Variants in PCDHGA10 observed in about 807,000 individuals in gnomAD.
The protein encoded by PCDHGA10 is protocadherin gamma subfamily A, 10, also known as protocadherin gamma-A10.
Under a neutral mutation model 59.5 loss-of-function variants are expected in PCDHGA10, and 42 were observed. The observed-to-expected ratio is 0.71, with a 90% CI of 0.55 to 0.91. PCDHGA10 has a LOEUF of 0.91. PCDHGA10 is among the 40% of genes least tolerant of loss of function. PCDHGA10 has a pLI of 0.00. For missense variants in PCDHGA10, 1,111 were observed against 1,198.2 expected (o/e 0.93, Z 1.07); for synonymous variants, 511 against 517.2 (o/e 0.99, Z 0.16).
intron 1 of PCDHGA10, among the ~76,000 whole-genome samples, chr5:141,481,700 T>C (rs1283509788): frequency 2.0e-5 from 3 of 152,034 alleles, no homozygotes; most frequent in Non-Finnish European, 4.4e-5. Context: ...ACGCCTGTAA[T>C]CCCAGCACTT....
At chr5:141,505,666 G>T (rs904221281) in intron 3 of PCDHGA10, among the ~76,000 whole-genome samples, 185 bp downstream of exon 3, 3 of 152,180 alleles carry the variant, frequency 2.0e-5, no homozygotes, top group Non-Finnish European at 4.4e-5. Context: ...ACAGCAGAGG[G>T]GTTGGGGGTC....
Position 141,413,755 on chromosome 5 carries a change from A to T in PCDHGA10, c.580A>T (p.Lys194Ter), listed in dbSNP as rs199577406. Residue 194 changes from lysine (K) to a stop codon, truncating the protein, a stop_gained, in exon 1 of 4, where the codon AAG becomes TAG. Transcript: ENST00000398610. LOFTEE classifies it high-confidence loss of function. ...LRVQSRANGV[K>*]YPELVLEHSL... ...AGTTCAGAGCCGTGCCAATGGCGTC[A>T]AGTACCCGGAGCTGGTACTGGAGCA... 1.6e-4 allele frequency: 266 copies of T among 1,612,936 alleles called. 3 individuals carry two copies. In the South Asian group the frequency reaches 2.3e-3, roughly 14 times the overall value.
chr5:141,450,006 C>CT lies in PCDHGA10; in HGVS notation c.2436+34413dup, dbSNP rs1554136305. ...CACATTGCATTTAGTTGCCATGTCT[C>CT]TTTTTTTTTTTTTTTTTTGAGACAG... On this transcript the variant is annotated intron_variant, in intron 1 of 3. Coordinates refer to ENST00000398610, the MANE Select transcript of PCDHGA10 (RefSeq NM_018913.3). Among the ~76,000 whole-genome samples the CT allele has an allele frequency of 9.8e-3, 1,304 of 132,922 alleles. 21 individuals are homozygous for CT. Among genetic ancestry groups the CT allele is most frequent in the Non-Finnish European group, 0.015 (957 of 62,878 alleles). 87.2% of individuals were successfully genotyped at this position (132,922 alleles called of 152,430 possible).
At position 141,432,297 on chromosome 5, in the gene PCDHGA10, T is replaced by C. The variant is rs1339659774; in HGVS notation, c.2436+16686T>C. 3.1e-6 allele frequency: 5 copies of C among 1,614,040 alleles called. No individual in the cohort carries two copies. The highest frequency in any genetic ancestry group is 1.7e-5 in the Admixed American group (1 of 60,006). ...GTGTCCATCAACTCCGACACTGGGG[T>C]ACTGTATGCGCTGAGCTCCTTCGAC... On this transcript the variant is annotated intron_variant, in intron 1 of 3. Transcript: ENST00000398610. This position sits in a 1 kb window ranked among gnomAD's most constrained non-coding sequence, Gnocchi z 6.0.
In PCDHGA10 at chr5:141,490,770, C is replaced by T. The variant is rs774014462; in HGVS notation, c.2437-4037C>T. 1.2e-6 allele frequency: 2 copies of T among 1,614,120 alleles called. No individual in the cohort carries two copies. Among genetic ancestry groups the T allele is most frequent in the Non-Finnish European group, 8.5e-7 (1 of 1,179,968 alleles). ...CAGCCTCCTCCTTTGTGTATGTCAA[C>T]CCAGAGGATGGACGGATCTTTGCCC... On this transcript the variant is annotated intron_variant, in intron 1 of 3. Transcript: ENST00000398610. The surrounding 1 kb of genome is among the most constrained non-coding windows in gnomAD (Gnocchi z 5.4).
chr5:141,422,940 C>G, intron 1 of PCDHGA10: 3 of 1,614,242 alleles, frequency 1.9e-6, no homozygotes, highest in Non-Finnish European at 1.7e-6. Context: ...TCCCCACAGA[C>G]GGCTCCACTG....
rs780383828 is a variant in PCDHGA10, at chr5:141,422,708, A to G, written c.2436+7097A>G. ...GCCCTGGTCACTTACTCTCTGACGGATGACACTGTCCAGGGGGTGCCTCTG... is the reference window on the plus strand; with the variant it reads ...GCCCTGGTCACTTACTCTCTGACGGGTGACACTGTCCAGGGGGTGCCTCTG... On this transcript the variant is annotated intron_variant, in intron 1 of 3. Transcript: ENST00000398610. 28 of 1,603,464 alleles carry G rather than the reference A, an allele frequency of 1.7e-5. No individual in the cohort carries two copies. The East Asian group carries it at 3.8e-4, about 22-fold the overall frequency.
intron 1 of PCDHGA10, 199 bp downstream of exon 1, chr5:141,415,810 T>C: frequency 7.4e-7 from 1 of 1,360,418 alleles, no homozygotes; most frequent in Non-Finnish European, 9.5e-7. Context: ...AATCAAGGCC[T>C]ATATATCATA....
At position 141,431,566 on chromosome 5, in the gene PCDHGA10, T is replaced by G; in HGVS notation, c.2436+15955T>G. ...TGCTTGTAGTCAACGCTACCGACCCTGACGAAGGAGTCAATGCGGAAGTGA... is the reference window on the plus strand; with the variant it reads ...TGCTTGTAGTCAACGCTACCGACCCGGACGAAGGAGTCAATGCGGAAGTGA... On this transcript the variant is annotated intron_variant, in intron 1 of 3. Transcript: ENST00000398610. This position sits in a 1 kb window ranked among gnomAD's most constrained non-coding sequence, Gnocchi z 4.8. 6.2e-7 allele frequency: 1 copy of G among 1,614,128 alleles called. No homozygotes were observed. The highest frequency in any genetic ancestry group is 1.1e-5 in the South Asian group (1 of 91,088).
chr5:141,477,229 C>T lies in PCDHGA10; in HGVS notation c.2437-17578C>T. ...AGGATGCCCCTCTGGGGACTGTCAT[C>T]GCTTTGCTCAGTGTGACTGACCTGG... On this transcript the variant is annotated intron_variant, in intron 1 of 3. Transcript: ENST00000398610. The surrounding 1 kb of genome is among the most constrained non-coding windows in gnomAD (Gnocchi z 4.9). 6.2e-7 allele frequency: 1 copy of T among 1,614,222 alleles called. No homozygotes were observed. Among genetic ancestry groups the T allele is most frequent in the Non-Finnish European group, 8.5e-7 (1 of 1,180,052 alleles).
rs1007318194 is a variant in PCDHGA10, at chr5:141,512,035, T to G, written c.*862T>G. On this transcript the variant is annotated 3_prime_UTR_variant, in exon 4 of 4. Coordinates refer to ENST00000398610, the MANE Select transcript of PCDHGA10 (RefSeq NM_018913.3). ...AAGTTATCAAGGCCTTGGAGGAGGC[T>G]CTGTATGTCCTCAGGGGACTGACAA... 1.3e-5 allele frequency: 2 copies of G among 152,870 alleles called. No individual in the cohort carries two copies. Among genetic ancestry groups the G allele is most frequent in the African/African-American group, 4.8e-5 (2 of 41,464 alleles). The allele number at this position is 152,870 out of a possible 1,614,324, so 9.5% of individuals were successfully genotyped here.
chr5:141,423,101 G>A (rs757127033), intron 1 of PCDHGA10: 3 of 1,613,966 alleles, frequency 1.9e-6, no homozygotes, highest in South Asian at 1.1e-5. Context: ...GAGCACACGG[G>A]CGAGGTGCGT....
At chr5:141,419,674 C>A (rs372932653) in intron 1 of PCDHGA10, 1 of 1,612,938 alleles carries the variant, frequency 6.2e-7, no homozygotes, top group Non-Finnish European at 8.5e-7. Flanking sequence ...CCTGGCTGTC[C>A]TACCACGTGG....
In PCDHGA10 at chr5:141,476,291, G is replaced by T. The variant is rs1385060012; in HGVS notation, c.2437-18516G>T. The stretch of plus-strand genomic sequence containing the variant: ...GGTCGCGAACCTTGGTTTGGATCTC[G>T]GTAGCCTCTCAGCCCGCAGGTTCCG... On this transcript the variant is annotated intron_variant, in intron 1 of 3. Coordinates refer to ENST00000398610, the MANE Select transcript of PCDHGA10 (RefSeq NM_018913.3). This position sits in a 1 kb window ranked among gnomAD's most constrained non-coding sequence, Gnocchi z 7.6. 4 of 1,614,128 alleles carry T rather than the reference G, an allele frequency of 2.5e-6. No homozygotes were observed. Among genetic ancestry groups the T allele is most frequent in the South Asian group, 1.1e-5 (1 of 91,072 alleles).
intron 1 of PCDHGA10, chr5:141,421,033 C>T (rs915028623): frequency 2.4e-5 from 13 of 533,788 alleles, no homozygotes; most frequent in Non-Finnish European, 6.5e-6. Context: ...CCATTGAGTC[C>T]CTCCCTCCCC....
intron 1 of PCDHGA10, among the ~76,000 whole-genome samples, chr5:141,453,076 G>A (rs2098755408): frequency 1.3e-5 from 2 of 151,984 alleles, no homozygotes; most frequent in Admixed American, 6.6e-5. Flanking sequence ...CCACACTCTG[G>A]TTGATTAGTA....
At chr5:141,426,858 T>C (rs898486771) in intron 1 of PCDHGA10, 1 of 456,574 alleles carries the variant, frequency 2.2e-6, no homozygotes, top group Non-Finnish European at 4.4e-6. Context: ...CGCTCCAGAA[T>C]TAGTGCTGGA....
At chr5:141,430,808 G>A in intron 1 of PCDHGA10, 1 of 1,526,682 alleles carries the variant, frequency 6.6e-7, no homozygotes, top group East Asian at 2.3e-5. Flanking sequence ...TGTCCTGCTG[G>A]GAATCCTCCT....
At chr5:141,452,076 G>A (rs978382005) in intron 1 of PCDHGA10, among the ~76,000 whole-genome samples, 3 of 152,092 alleles carry the variant, frequency 2.0e-5, no homozygotes, top group Non-Finnish European at 2.9e-5. Flanking sequence ...TTATTAGTTG[G>A]CATTATACAG....
Sources: allele counts gnomAD v4.1 joint callset (sites outside exome capture counted in the v4.1 genomes callset), GRCh38; gene constraint gnomAD v4.1.1; non-coding constraint Gnocchi (gnomAD v3.1); transcripts MANE v1.5; gene names NCBI Gene and HGNC (gene_info 2026-07-23, HGNC 2026-07-21).